ADGRL2: variants seen among roughly 807,000 people sequenced by gnomAD.
ADGRL2 encodes the protein calcium-independent alpha-latrotoxin receptor 2.
A neutral mutation model predicts 157.4 loss-of-function variants in ADGRL2; 44 were observed. The ratio of observed to expected loss-of-function variants is 0.28; its 90% CI spans 0.22 to 0.36. The LOEUF (loss-of-function observed/expected upper bound fraction) is 0.36. Among genes scored for constraint, ADGRL2 ranks in the 10% least tolerant of loss-of-function variants. ADGRL2 has a pLI of 1.00. For synonymous variants in ADGRL2, 585 were observed against 624.7 expected, an observed-to-expected ratio of 0.94 and a Z score of 0.95; for missense variants, 1,510 against 1,768.9, an observed-to-expected ratio of 0.85 and a Z score of 2.63.
At chr1:81,870,287 C>T (rs200841511) in intron 2 of ADGRL2, among the ~76,000 whole-genome samples, 2 of 152,128 alleles carry the variant, frequency 1.3e-5, no homozygotes, top group East Asian at 3.9e-4. Flanking sequence ...TTTCCCACAT[C>T]TACAGTCCCG....
chr1:81,720,609 GAT>G (rs1254884645), intron 1 of ADGRL2, among the ~76,000 whole-genome samples: 2 of 152,030 alleles, frequency 1.3e-5, no homozygotes, highest in African/African-American at 4.8e-5. Flanking sequence ...AGAGAAAAGA[GAT>G]ATAAAATTAA....
chr1:81,763,712 T>G (rs9727922), intron 2 of ADGRL2, among the ~76,000 whole-genome samples: 99,763 of 151,472 alleles, frequency 0.66, 33,678 homozygotes, highest in East Asian at 0.97. Flanking sequence ...GTGAAACCCT[T>G]TCTCTACTAA....
Position 81,606,499 on chromosome 1 carries a change from A to G in ADGRL2, c.-143+25519A>G, listed in dbSNP as rs552772105. Among the ~76,000 whole-genome samples, 428 of 114,094 alleles carry G rather than the reference A, an allele frequency of 3.8e-3. 3 individuals carry two copies. Among genetic ancestry groups the G allele is most frequent in the African/African-American group, 0.011 (401 of 36,754 alleles). 74.9% of individuals were successfully genotyped at this position (114,094 alleles called of 152,430 possible). ...CAGATACACAGGTTCATGCACATGC[A>G]CACACACACACACACACACACTCAC... On this transcript the variant is annotated intron_variant, in intron 3 of 24. Coordinates refer to the ADGRL2 transcript ENST00000370721.
chr1:81,826,970 T>C (rs759405057), intron 1 of ADGRL2, among the ~76,000 whole-genome samples: 1 of 152,190 alleles, frequency 6.6e-6, no homozygotes, highest in Non-Finnish European at 1.5e-5. Flanking sequence ...ATGTTACTTT[T>C]ACGAATGATA....
At chr1:81,595,563 C>T (rs941145236) in intron 3 of ADGRL2, among the ~76,000 whole-genome samples, 13 of 152,158 alleles carry the variant, frequency 8.5e-5, no homozygotes, top group African/African-American at 3.1e-4. Flanking sequence ...ACTAAATTTG[C>T]ACCTAAGTAT....
intron 2 of ADGRL2, among the ~76,000 whole-genome samples, chr1:81,884,429 C>T (rs2094074727): frequency 2.0e-5 from 3 of 152,082 alleles, no homozygotes; most frequent in Admixed American, 1.3e-4. Context: ...AAACGTCTAC[C>T]AGACTTTCTG....
At chr1:81,986,250 CATT>C (rs1663120843) in intron 21 of ADGRL2, among the ~76,000 whole-genome samples, 1 of 152,002 alleles carries the variant, frequency 6.6e-6, no homozygotes, top group Admixed American at 6.6e-5. Flanking sequence ...AAAGTAAATG[CATT>C]ATTCAATGAT....
chr1:81,553,155 C>T (rs2080191945), intron 2 of ADGRL2, among the ~76,000 whole-genome samples: 1 of 152,010 alleles, frequency 6.6e-6, no homozygotes, highest in Non-Finnish European at 1.5e-5. Flanking sequence ...TTCTGAAAAA[C>T]ACATAAAAAT....
intron 2 of ADGRL2, among the ~76,000 whole-genome samples, chr1:81,547,775 G>A (rs562735269): frequency 6.6e-6 from 1 of 152,124 alleles, no homozygotes; most frequent in Admixed American, 6.6e-5. Context: ...CTCCCTCCCA[G>A]GGGCTATGTG....
In ADGRL2 at chr1:81,575,200, T is replaced by G. The variant is rs75773095; in HGVS notation, c.-247-5676T>G. On this transcript the variant is annotated intron_variant, in intron 2 of 24. Transcript: ENST00000370721. Reference sequence around the variant, plus strand: ...AAATAATGTTTCGTGTCTTCCCCCATGCCGGTTTAAAAACTGCAGGAGCTA... The same window carrying G: ...AAATAATGTTTCGTGTCTTCCCCCAGGCCGGTTTAAAAACTGCAGGAGCTA... Among the ~76,000 whole-genome samples, 926 of 152,286 alleles carry G rather than the reference T, an allele frequency of 6.1e-3. 11 individuals are homozygous for G. The highest frequency in any genetic ancestry group is 0.021 in the African/African-American group (866 of 41,562).
chr1:81,722,762 A>G, intron 1 of ADGRL2: 1 of 795,596 alleles, frequency 1.3e-6, no homozygotes, highest in Non-Finnish European at 2.2e-6. Flanking sequence ...GCTCAAGAAG[A>G]GCATGAGAGA....
At chr1:81,764,307 A>G (rs2086031353) in intron 2 of ADGRL2, among the ~76,000 whole-genome samples, 1 of 152,038 alleles carries the variant, frequency 6.6e-6, no homozygotes, top group African/African-American at 2.4e-5. Flanking sequence ...AAATGGCACT[A>G]TTAGAATATT....
chr1:81,558,711 T>G (rs1250107722), intron 2 of ADGRL2, among the ~76,000 whole-genome samples: 1 of 152,196 alleles, frequency 6.6e-6, no homozygotes, highest in Non-Finnish European at 1.5e-5. Context: ...TAATAGTACC[T>G]GGTACCTGGT....
At chr1:81,493,282 A>G (rs924326888) in intron 2 of ADGRL2, among the ~76,000 whole-genome samples, 1 of 152,218 alleles carries the variant, frequency 6.6e-6, no homozygotes, top group Non-Finnish European at 1.5e-5. Context: ...GCATGTCAGC[A>G]TGACAAGACA....
intron 1 of ADGRL2, among the ~76,000 whole-genome samples, chr1:81,430,896 T>A (rs2101616902): frequency 6.6e-6 from 1 of 152,356 alleles, no homozygotes; most frequent in Non-Finnish European, 1.5e-5. Context: ...CTAATTTTGG[T>A]ACTTACTTAT....
At chr1:81,571,151 C>A (rs12130807) in intron 2 of ADGRL2, among the ~76,000 whole-genome samples, 11,010 of 151,600 alleles carry the variant, frequency 0.073, 457 homozygotes, top group Middle Eastern at 0.11. Flanking sequence ...GTGGTGAAAC[C>A]CTGTCTCTAC....
At chr1:81,907,425 A>G (rs544670831) in intron 3 of ADGRL2, among the ~76,000 whole-genome samples, 195 bp downstream of exon 3, 5 of 152,224 alleles carry the variant, frequency 3.3e-5, no homozygotes, top group Non-Finnish European at 7.3e-5. Flanking sequence ...TCATTCTAAT[A>G]TAGCTTGACA....
At chr1:81,701,333 A>T (rs2083569407) in intron 1 of ADGRL2, among the ~76,000 whole-genome samples, 1 of 152,158 alleles carries the variant, frequency 6.6e-6, no homozygotes, top group Admixed American at 6.6e-5. Context: ...AACTGATCAT[A>T]TTTCATAATT....
chr1:81,508,704 A>G (rs542321398), intron 2 of ADGRL2, among the ~76,000 whole-genome samples: 5 of 152,344 alleles, frequency 3.3e-5, no homozygotes, highest in African/African-American at 1.2e-4. Context: ...CAGCCCTGCC[A>G]TCTTTTTACA....
Sources: allele counts gnomAD v4.1 joint callset (sites outside exome capture counted in the v4.1 genomes callset), GRCh38; gene constraint gnomAD v4.1.1; transcripts MANE v1.5; gene names NCBI Gene and HGNC (gene_info 2026-07-23, HGNC 2026-07-21).